The following PCDHGA9 variants were observed in gnomAD, a reference collection of about 807,000 sequenced individuals.
The protein encoded by PCDHGA9 is protocadherin gamma-A9.
In PCDHGA9, 37 loss-of-function variants were observed where a neutral mutation model predicts 62.5. That is an observed-to-expected ratio of 0.59 (90% confidence interval 0.46 to 0.78). The LOEUF (loss-of-function observed/expected upper bound fraction) is 0.78. PCDHGA9 is among the 30% of genes least tolerant of loss of function. The pLI, the probability that PCDHGA9 is intolerant of heterozygous loss-of-function variation, is 0.00. For missense variants in PCDHGA9, 1,138 were observed against 1,166.2 expected (o/e 0.98, Z 0.35); for synonymous variants, 459 against 484.6 (o/e 0.95, Z 0.69).
In PCDHGA9 at chr5:141,486,070, T is replaced by G; in HGVS notation, c.2425-8737T>G. The G allele has an allele frequency of 6.2e-7, 1 of 1,614,158 alleles. No individual in the cohort carries two copies. Among genetic ancestry groups the G allele is most frequent in the Non-Finnish European group, 8.5e-7 (1 of 1,180,010 alleles). On this transcript the variant is annotated intron_variant, in intron 1 of 3. Coordinates refer to ENST00000573521, the MANE Select transcript of PCDHGA9 (RefSeq NM_018921.3). This position sits in a 1 kb window ranked among gnomAD's most constrained non-coding sequence, Gnocchi z 5.0. ...ACCTCTTTAGCCTGCACCCCACTAC[T>G]GGAAAGCTTACTCTTTTGGGGCCCC...
At chr5:141,510,658 A>G (rs1162885805) in intron 3 of PCDHGA9, among the ~76,000 whole-genome samples, 1 of 152,178 alleles carries the variant, frequency 6.6e-6, no homozygotes, top group African/African-American at 2.4e-5. Context: ...CATTTTGCAG[A>G]TGAGAAAACT....
intron 1 of PCDHGA9, chr5:141,414,700 A>G (rs886960965): frequency 6.2e-7 from 1 of 1,613,994 alleles, no homozygotes. Context: ...GTCCTCATAC[A>G]TATCCATCAA....
chr5:141,409,808 G>A lies in PCDHGA9; in HGVS notation c.2424+4432G>A, dbSNP rs1445467116. On this transcript the variant is annotated intron_variant, in intron 1 of 3. Coordinates refer to ENST00000573521, the MANE Select transcript of PCDHGA9 (RefSeq NM_018921.3). ...CTTCGCGCTCACGCTGCAGGCCCGC[G>A]ACCACGGCTCGCCCACGCTCAGCGC... 4.3e-6 allele frequency: 7 copies of A among 1,611,624 alleles called. No individual in the cohort carries two copies. In the East Asian group the frequency reaches 1.3e-4, roughly 31 times the overall value.
chr5:141,458,918 A>C (rs1173274380), intron 1 of PCDHGA9, among the ~76,000 whole-genome samples: 1 of 152,022 alleles, frequency 6.6e-6, no homozygotes, highest in Non-Finnish European at 1.5e-5. Context: ...TTTTTTGTGG[A>C]GACGGGGTCT....
chr5:141,496,163 A>T (rs1249396595), intron 2 of PCDHGA9, among the ~76,000 whole-genome samples: 2 of 150,100 alleles, frequency 1.3e-5, no homozygotes, highest in Non-Finnish European at 3.0e-5. Flanking sequence ...TCCACCAGAC[A>T]CCCTCCCATC....
intron 1 of PCDHGA9, among the ~76,000 whole-genome samples, chr5:141,439,190 C>CAAA (rs200519543): frequency 1.8e-5 from 2 of 111,760 alleles, no homozygotes; most frequent in African/African-American, 6.3e-5. Context: ...GAGACTCTGA[C>CAAA]AAAAAAAAAA....
intron 1 of PCDHGA9, chr5:141,433,267 C>T (rs1462399366): frequency 7.7e-7 from 1 of 1,305,096 alleles, no homozygotes; most frequent in Non-Finnish European, 1.1e-6. Context: ...GATCATAGCT[C>T]ACTGCAGCCT....
chr5:141,403,094 A>G lies in PCDHGA9; in HGVS notation c.142A>G (p.Ile48Val). The G allele has an allele frequency of 6.2e-7, 1 of 1,614,064 alleles. No homozygotes were observed. Among genetic ancestry groups the G allele is most frequent in the Non-Finnish European group, 8.5e-7 (1 of 1,179,908 alleles). The change falls in exon 1 of 4, where the codon ATC becomes GTC. Residue 48 changes from isoleucine (I) to valine (V), a missense_variant. Physicochemically the swap from Ile to Val is conservative, Grantham distance 29. Coordinates refer to ENST00000573521, the MANE Select transcript of PCDHGA9 (RefSeq NM_018921.3). ...AGAAAAGGGCTATATTGTGGGCAACATCTCCAAGGACCTGGCTCTGGAGCC... is the reference window on the plus strand; with the variant it reads ...AGAAAAGGGCTATATTGTGGGCAACGTCTCCAAGGACCTGGCTCTGGAGCC... ...ETEKGYIVGN[I>V]SKDLALEPRE...
At chr5:141,509,153 C>G (rs2099875485) in intron 3 of PCDHGA9, among the ~76,000 whole-genome samples, 2 of 152,190 alleles carry the variant, frequency 1.3e-5, no homozygotes, top group Non-Finnish European at 2.9e-5. Context: ...CGGCTCTCCC[C>G]TCCCGTGTGC....
chr5:141,490,111 A>G lies in PCDHGA9; in HGVS notation c.2425-4696A>G. 6.2e-7 allele frequency: 1 copy of G among 1,614,244 alleles called. No individual in the cohort carries two copies. The highest frequency in any genetic ancestry group is 8.5e-7 in the Non-Finnish European group (1 of 1,180,042). On this transcript the variant is annotated intron_variant, in intron 1 of 3. Coordinates refer to ENST00000573521, the MANE Select transcript of PCDHGA9 (RefSeq NM_018921.3). The surrounding 1 kb of genome is among the most constrained non-coding windows in gnomAD (Gnocchi z 5.4). ...AGACCACACATCTGAGGCAGTGCGGAACCTCTTTGGCCTAGACCCTAGCAG... is the reference window on the plus strand; with the variant it reads ...AGACCACACATCTGAGGCAGTGCGGGACCTCTTTGGCCTAGACCCTAGCAG...
intron 1 of PCDHGA9, among the ~76,000 whole-genome samples, chr5:141,437,364 T>C (rs1026384836): frequency 6.6e-6 from 1 of 152,232 alleles, no homozygotes; most frequent in African/African-American, 2.4e-5. Flanking sequence ...AAAATTGGAA[T>C]GTAATCAGTC....
At chr5:141,409,908 C>T (rs1255447661) in intron 1 of PCDHGA9, 1 of 1,613,204 alleles carries the variant, frequency 6.2e-7, no homozygotes, top group Non-Finnish European at 8.5e-7. Context: ...GCTCTGGGTC[C>T]TGACGGCTCC....
rs1052219950 is a variant in PCDHGA9, at chr5:141,476,865, G to A, written c.2425-17942G>A. The A allele has an allele frequency of 1.2e-6, 2 of 1,613,752 alleles. No individual in the cohort carries two copies. Among genetic ancestry groups the A allele is most frequent in the African/African-American group, 1.3e-5 (1 of 74,958 alleles). On this transcript the variant is annotated intron_variant, in intron 1 of 3. Coordinates refer to ENST00000573521, the MANE Select transcript of PCDHGA9 (RefSeq NM_018921.3). This position sits in a 1 kb window ranked among gnomAD's most constrained non-coding sequence, Gnocchi z 7.6. ...CCTGTCTTCAACCAGTCCTTGTACC[G>A]GGCGCGCGTCCTGGAGGATGCACCC...
chr5:141,415,811 A>G (rs2095960996), intron 1 of PCDHGA9: 5 of 1,340,748 alleles, frequency 3.7e-6, no homozygotes, highest in South Asian at 1.7e-5. Flanking sequence ...ATCAAGGCCT[A>G]TATATCATAA....
chr5:141,431,066 CAATT>C lies in PCDHGA9; in HGVS notation c.2424+25693_2424+25696del, dbSNP rs762972663. ...GCTCTGTATGGGGGCCATCAAGTGT[CAATT>C]AAATCTAGACATTCTGATGGAGGAT... On this transcript the variant is annotated intron_variant, in intron 1 of 3. Transcript: ENST00000573521. This position sits in a 1 kb window ranked among gnomAD's most constrained non-coding sequence, Gnocchi z 4.8. 9 of 1,614,042 alleles carry C rather than the reference CAATT, an allele frequency of 5.6e-6. No individual in the cohort carries two copies. The East Asian group carries it at 2.0e-4, about 36-fold the overall frequency.
At chr5:141,506,240 G>A (rs918820495) in intron 3 of PCDHGA9, among the ~76,000 whole-genome samples, 8 of 152,184 alleles carry the variant, frequency 5.3e-5, no homozygotes, top group Middle Eastern at 3.4e-3. Flanking sequence ...CATGAGGTCA[G>A]GAGTTCGAAA....
In PCDHGA9 at chr5:141,489,362, C is replaced by T. The variant is rs1562129544; in HGVS notation, c.2425-5445C>T. 8 of 1,613,052 alleles carry T rather than the reference C, an allele frequency of 5.0e-6. No individual in the cohort carries two copies. Among genetic ancestry groups the T allele is most frequent in the South Asian group, 2.2e-5 (2 of 90,970 alleles). On this transcript the variant is annotated intron_variant, in intron 1 of 3. Coordinates refer to ENST00000573521, the MANE Select transcript of PCDHGA9 (RefSeq NM_018921.3). The surrounding 1 kb of genome is among the most constrained non-coding windows in gnomAD (Gnocchi z 4.5). ...TACTCAGTGGTGGAGGAGTCTGAGC[C>T]GGGGACGCTGGTGGGGAATGTTGCT...
At position 141,422,880 on chromosome 5, in the gene PCDHGA9, G is replaced by C. The variant is rs970045921; in HGVS notation, c.2424+17504G>C. The C allele has an allele frequency of 7.4e-6, 12 of 1,614,140 alleles. No individual in the cohort carries two copies. In the Admixed American group the frequency reaches 2.0e-4, roughly 27 times the overall value. ...TCAGCAGCAACGTGTCGCTGAGCCT[G>C]TTCGTGCTGGACCAGAACGACAATG... On this transcript the variant is annotated intron_variant, in intron 1 of 3. Coordinates refer to ENST00000573521, the MANE Select transcript of PCDHGA9 (RefSeq NM_018921.3).
intron 1 of PCDHGA9, chr5:141,423,692 G>T: frequency 7.1e-7 from 1 of 1,405,756 alleles, no homozygotes; most frequent in Non-Finnish European, 9.4e-7. Context: ...CCTAATTGTT[G>T]GTGTCTTGGC....
Sources: allele counts gnomAD v4.1 joint callset (sites outside exome capture counted in the v4.1 genomes callset), GRCh38; gene constraint gnomAD v4.1.1; non-coding constraint Gnocchi (gnomAD v3.1); transcripts MANE v1.5; gene names NCBI Gene and HGNC (gene_info 2026-07-23, HGNC 2026-07-21).